The following CUL4A variants were observed in gnomAD, a reference collection of about 807,000 sequenced individuals.
The protein encoded by CUL4A is cullin-4A.
CUL4A carries 16 observed loss-of-function variants against 95.5 expected under a neutral mutation model. The ratio of observed to expected loss-of-function variants is 0.17; its 90% CI spans 0.11 to 0.25. The LOEUF is 0.25. Ranked by LOEUF, CUL4A falls within the 10% of genes least tolerant of loss-of-function variation. CUL4A has a pLI of 1.00. For synonymous variants in CUL4A, 380 were observed against 353.1 expected (o/e 1.08, Z -0.85); for missense variants, 610 against 937.0 (o/e 0.65, Z 4.56).
rs557607821 is a variant in CUL4A at position 113,227,628 on chromosome 13, G to A, written c.369-348G>A. Among the ~76,000 whole-genome samples, 13 of 152,314 alleles carry A rather than the reference G, an allele frequency of 8.5e-5. No individual in the cohort carries two copies. In the South Asian group the frequency reaches 1.2e-3, roughly 15 times the overall value. On this transcript the variant is annotated intron_variant, in intron 3 of 19. Transcript: ENST00000375440. Reference sequence around the variant, plus strand: ...AGGGGTTAAAATTGTAATAATGGCCGGTTGCGGTGGCTCACGCCTGTAATC... The same window carrying A: ...AGGGGTTAAAATTGTAATAATGGCCAGTTGCGGTGGCTCACGCCTGTAATC...
chr13:113,260,211 A>AAAAAAAAAAAAAAAAAAAAAAAC (rs1197388632), intron 18 of CUL4A, among the ~76,000 whole-genome samples: 1 of 119,524 alleles, frequency 8.4e-6, no homozygotes, highest in African/African-American at 3.6e-5. Flanking sequence ...CTCAAAAAAA[A>AAAAAAAAAAAAAAAAAAAAAAAC]AAAAAAAACC....
chr13:113,237,257 G>A (rs2041575387), intron 9 of CUL4A, among the ~76,000 whole-genome samples: 1 of 152,218 alleles, frequency 6.6e-6, no homozygotes, highest in African/African-American at 2.4e-5. Flanking sequence ...AGGGGACTCG[G>A]GGAGCTGTTC....
chr13:113,235,041 A>G (rs2287249), intron 7 of CUL4A, 22 bp from the exon 8 acceptor site: 368,596 of 1,519,894 alleles, frequency 0.24, 48,361 homozygotes, highest in South Asian at 0.41. Context: ...TTACTGATAC[A>G]TTTAATTGTT....
intron 18 of CUL4A, among the ~76,000 whole-genome samples, chr13:113,258,996 T>A (rs970838766): frequency 1.3e-5 from 2 of 152,236 alleles, no homozygotes; most frequent in African/African-American, 2.4e-5. Context: ...TGATATCTTA[T>A]AAAGGGGACC....
intron 5 of CUL4A, among the ~76,000 whole-genome samples, chr13:113,232,466 G>A (rs550525043): frequency 9.3e-5 from 14 of 150,870 alleles, no homozygotes; most frequent in South Asian, 8.4e-4. Context: ...TGCCAATTCC[G>A]GATTTCTGGC....
chr13:113,208,579 G>T, upstream of CUL4A: 3 of 1,606,124 alleles, frequency 1.9e-6, no homozygotes, highest in Non-Finnish European at 8.5e-7. Context: ...GCCGCCGCGC[G>T]CTCCCCGGCT....
intron 9 of CUL4A, among the ~76,000 whole-genome samples, chr13:113,237,444 A>G (rs1042180383): frequency 3.9e-5 from 6 of 152,208 alleles, no homozygotes; most frequent in African/African-American, 1.4e-4. Context: ...GCTTCTCCCC[A>G]AGTGGTGGCA....
At chr13:113,256,672 C>A (rs939448221) in intron 18 of CUL4A, among the ~76,000 whole-genome samples, 2 of 152,114 alleles carry the variant, frequency 1.3e-5, no homozygotes, top group Non-Finnish European at 2.9e-5. Context: ...TGCTCAGTTT[C>A]TCATATTTAA....
At chr13:113,229,652 T>G in intron 5 of CUL4A, 133 bp downstream of exon 5, 1 of 726,792 alleles carries the variant, frequency 1.4e-6, no homozygotes. Context: ...CCAAAATCAT[T>G]AACGTGAACG....
At chr13:113,232,717 C>T (rs1401307765) in intron 5 of CUL4A, among the ~76,000 whole-genome samples, 1 of 152,066 alleles carries the variant, frequency 6.6e-6, no homozygotes, top group Non-Finnish European at 1.5e-5. Context: ...GGAGAGCTCC[C>T]AGGGCTTGGA....
intron 6 of CUL4A, 116 bp downstream of exon 6, chr13:113,233,455 G>A (rs2041430413): frequency 2.0e-6 from 2 of 1,021,166 alleles, no homozygotes; most frequent in African/African-American, 3.2e-5. Flanking sequence ...GTTGAAGATA[G>A]GAGAGTCTTT....
chr13:113,210,840 T>C (rs910241897), intron 2 of CUL4A, among the ~76,000 whole-genome samples: 20 of 152,158 alleles, frequency 1.3e-4, no homozygotes, highest in Admixed American at 7.2e-4. Flanking sequence ...GTAAAAATTA[T>C]AAAAAATACA....
At chr13:113,260,902 A>G (rs969799197) in intron 19 of CUL4A, 143 bp downstream of exon 19, 10 of 653,440 alleles carry the variant, frequency 1.5e-5, no homozygotes, top group Admixed American at 6.8e-5. Context: ...AAAACTGGCA[A>G]ATGTGAAGCT....
rs533912319 is a variant in CUL4A at position 113,215,927 on chromosome 13, G to A, written c.265-3018G>A. ...GAGGTCTCGTCCATGTGGCTGTGGC[G>A]GTCTCTGTGTGACTATGGAGGTCTC... On this transcript the variant is annotated intron_variant, in intron 2 of 19. Coordinates refer to ENST00000375440, the MANE Select transcript of CUL4A (RefSeq NM_001008895.4). 5.9e-5 allele frequency among the ~76,000 whole-genome samples: 9 copies of A among 151,434 alleles called. No homozygotes were observed. The East Asian group carries it at 1.4e-3, about 23-fold the overall frequency.
In CUL4A at chr13:113,265,319, T is replaced by C. The variant is rs987280868; in HGVS notation, c.*1737T>C. On this transcript the variant is annotated 3_prime_UTR_variant, in exon 20 of 20. Coordinates refer to ENST00000375440, the MANE Select transcript of CUL4A (RefSeq NM_001008895.4). The stretch of plus-strand genomic sequence containing the variant: ...TAGTCCCAGCTATGGGAGGGCAAGG[T>C]GGGAGGATCGTTTGAGCCTGAGTTC... 1.3e-5 allele frequency: 2 copies of C among 152,284 alleles called. No individual in the cohort carries two copies. The highest frequency in any genetic ancestry group is 4.8e-5 in the African/African-American group (2 of 41,460). The allele number at this position is 152,284 out of a possible 1,614,324, so 9.4% of individuals were successfully genotyped here.
chr13:113,210,525 A>G (rs2040369777), intron 2 of CUL4A, among the ~76,000 whole-genome samples: 1 of 152,256 alleles, frequency 6.6e-6, no homozygotes, highest in South Asian at 2.1e-4. Context: ...AAAATTCAGA[A>G]AAAGTGGTTT....
intron 2 of CUL4A, among the ~76,000 whole-genome samples, chr13:113,215,799 C>T (rs1176742034): frequency 9.9e-6 from 1 of 100,784 alleles, no homozygotes; most frequent in Non-Finnish European, 2.2e-5. Flanking sequence ...CTGTGGAGGT[C>T]GCTGTGTGAC....
intron 3 of CUL4A, among the ~76,000 whole-genome samples, chr13:113,227,651 A>G (rs1013225921): frequency 1.3e-5 from 2 of 152,240 alleles, no homozygotes; most frequent in Non-Finnish European, 2.9e-5. Flanking sequence ...CACGCCTGTA[A>G]TCCCGGCACT....
chr13:113,240,436 C>A (rs57747440), intron 10 of CUL4A, among the ~76,000 whole-genome samples: 32,637 of 152,118 alleles, frequency 0.21, 4,005 homozygotes, highest in South Asian at 0.43. Flanking sequence ...CATCAGGGCC[C>A]CTTCACAGAT....
Sources: gnomAD v4.1 joint callset for allele counts (sites outside exome capture counted in the v4.1 genomes callset) on GRCh38, gnomAD v4.1.1 for gene constraint, MANE v1.5 for transcripts, NCBI Gene and HGNC (gene_info 2026-07-23, HGNC 2026-07-21) for gene names.